The following COL6A5 variants were observed in gnomAD, a reference collection of about 807,000 sequenced individuals.
COL6A5 encodes collagen alpha-5(VI) chain.
In COL6A5, 48 loss-of-function variants were observed where a neutral mutation model predicts 65.6. The observed-to-expected ratio is 0.73, with a 90% CI of 0.58 to 0.93. The LOEUF (loss-of-function observed/expected upper bound fraction) is 0.93, where lower values mean the gene tolerates loss of function less well. Among genes scored for constraint, COL6A5 ranks in the 40% least tolerant of loss-of-function variants. The probability of loss-of-function intolerance (pLI) is 0.00; values close to 1 mark genes in which losing one functional copy is unlikely to be tolerated. For missense variants in COL6A5, 914 were observed against 928.3 expected, an observed-to-expected ratio of 0.98 and a Z score of 0.20; for synonymous variants, 291 against 322.8, an observed-to-expected ratio of 0.90 and a Z score of 1.05.
exon 4 of COL6A5, chr3:130,379,874 G>A: frequency 6.4e-7 from 1 of 1,551,222 alleles, no homozygotes; most frequent in Non-Finnish European, 8.7e-7. Flanking sequence ...AGCATCCAAG[G>A]GGCTAACAAT....
chr3:130,366,291 A>C (rs964995717), intron 1 of COL6A5, among the ~76,000 whole-genome samples: 1 of 152,208 alleles, frequency 6.6e-6, no homozygotes, highest in Non-Finnish European at 1.5e-5. Flanking sequence ...CTTGAAACAA[A>C]ATTCTGATGC....
intron 13 of COL6A5, 64 bp downstream of exon 13, chr3:130,403,726 C>A (rs1249217777): frequency 5.3e-6 from 6 of 1,134,112 alleles, no homozygotes; most frequent in African/African-American, 3.2e-5. Flanking sequence ...CACACACACA[C>A]ACAAACACAC....
intron 7 of COL6A5, among the ~76,000 whole-genome samples, chr3:130,476,677 C>G (rs1318621642): frequency 6.6e-6 from 1 of 151,956 alleles, no homozygotes; most frequent in Non-Finnish European, 1.5e-5. Context: ...TGAATCATTC[C>G]TGTTAGACAG....
Position 130,440,054 on chromosome 3 carries a change from T to C in COL6A5, c.582-112T>C, listed in dbSNP as rs549717873. 56 of 840,208 alleles carry C rather than the reference T, an allele frequency of 6.7e-5. No homozygotes were observed. In the South Asian group the frequency reaches 1.0e-3, roughly 15 times the overall value. The allele number at this position is 840,208 out of a possible 1,614,324, so 52.0% of individuals were successfully genotyped here. A position where few individuals can be genotyped will look rare whatever the true frequency, so the allele number is the denominator to read the frequency against. ...TAAATTATGTGAGATCAAAGAGATA[T>C]TGATCAAATTATAATTCTTGGTAAT... On this transcript the variant is annotated intron_variant, in intron 2 of 7. Transcript: ENST00000512836.
At chr3:130,365,033 G>A (rs542682138) in intron 1 of COL6A5, among the ~76,000 whole-genome samples, 2 of 152,276 alleles carry the variant, frequency 1.3e-5, no homozygotes, top group Admixed American at 1.3e-4. Flanking sequence ...TCTTCTTCAT[G>A]GTGGCAAAAC....
intron 5 of COL6A5, among the ~76,000 whole-genome samples, chr3:130,464,106 T>G (rs1228857571): frequency 1.3e-5 from 2 of 152,072 alleles, no homozygotes; most frequent in Non-Finnish European, 2.9e-5. Context: ...ATTTTGCTTC[T>G]ACTAGAACAT....
At chr3:130,457,830 A>G (rs1194196080) in intron 5 of COL6A5, among the ~76,000 whole-genome samples, 1 of 152,118 alleles carries the variant, frequency 6.6e-6, no homozygotes, top group Non-Finnish European at 1.5e-5. Flanking sequence ...GTTGTAGTTC[A>G]GATATTTTAT....
At chr3:130,386,569 G>A (rs751389853) in intron 5 of COL6A5, among the ~76,000 whole-genome samples, 3 of 152,088 alleles carry the variant, frequency 2.0e-5, no homozygotes, top group Non-Finnish European at 2.9e-5. Context: ...CAGTAACAGA[G>A]TTGGGTCTTT....
intron 27 of COL6A5, among the ~76,000 whole-genome samples, chr3:130,421,605 G>A (rs1017582807): frequency 2.0e-5 from 3 of 152,036 alleles, no homozygotes; most frequent in Non-Finnish European, 2.9e-5. Flanking sequence ...ATCCTCTCAA[G>A]TTCAGTCTTC....
At chr3:130,458,857 T>C (rs9289375) in intron 5 of COL6A5, among the ~76,000 whole-genome samples, 11,442 of 152,182 alleles carry the variant, frequency 0.075, 954 homozygotes, top group East Asian at 0.31. Context: ...CCTTGCAACA[T>C]GCAGTCCCTT....
intron 4 of COL6A5, among the ~76,000 whole-genome samples, chr3:130,455,025 A>C (rs1021104412): frequency 1.3e-5 from 2 of 152,088 alleles, no homozygotes; most frequent in African/African-American, 2.4e-5. Flanking sequence ...CTTTGGTCCC[A>C]GCTACTCAGG....
exon 4 of COL6A5, chr3:130,379,845 T>A (rs1438116750): frequency 6.4e-7 from 1 of 1,551,372 alleles, no homozygotes; most frequent in South Asian, 1.2e-5. Context: ...GACTGGAGGA[T>A]GTAAACGTGT....
chr3:130,471,687 T>G, intron 7 of COL6A5: 3 of 1,534,554 alleles, frequency 2.0e-6, no homozygotes, highest in Non-Finnish European at 1.7e-6. Flanking sequence ...CTCAGACTTC[T>G]TCCTGGGATA....
intron 25 of COL6A5, among the ~76,000 whole-genome samples, chr3:130,419,436 C>T (rs1384922242): frequency 2.0e-5 from 3 of 151,994 alleles, no homozygotes; most frequent in Admixed American, 6.6e-5. Context: ...TTATTACAAA[C>T]GTTATACATA....
At chr3:130,346,950 AT>A (rs1366800787) in intron 1 of COL6A5, among the ~76,000 whole-genome samples, 72 of 152,232 alleles carry the variant, frequency 4.7e-4, no homozygotes, top group African/African-American at 1.6e-3. Context: ...ATAAGTAGGA[AT>A]CCTGAGATTT....
At chr3:130,457,659 G>T (rs1173857183) in intron 5 of COL6A5, among the ~76,000 whole-genome samples, 1 of 152,018 alleles carries the variant, frequency 6.6e-6, no homozygotes, top group Non-Finnish European at 1.5e-5. Context: ...TCAGACAGAA[G>T]GATAATGTGT....
At chr3:130,450,049 G>A in intron 4 of COL6A5, among the ~76,000 whole-genome samples, 1 of 146,628 alleles carries the variant, frequency 6.8e-6, no homozygotes, top group Non-Finnish European at 1.5e-5. Context: ...CTGTGGAGGT[G>A]GACAAGCATT....
chr3:130,391,780 A>G (rs1329234954), intron 7 of COL6A5, 26 bp downstream of exon 7: 3 of 1,490,136 alleles, frequency 2.0e-6, no homozygotes, highest in Non-Finnish European at 1.8e-6. Context: ...TAAAGTTTCT[A>G]TGGGGGTAGC....
At chr3:130,441,022 T>C (rs1577513016) in intron 3 of COL6A5, among the ~76,000 whole-genome samples, 197 bp downstream of exon 35, 1 of 152,116 alleles carries the variant, frequency 6.6e-6, no homozygotes, top group African/African-American at 2.4e-5. Flanking sequence ...GCCTGAGGCC[T>C]TTTTTTATGA....
Sources: allele counts gnomAD v4.1 joint callset (sites outside exome capture counted in the v4.1 genomes callset), GRCh38; gene constraint gnomAD v4.1.1; transcripts MANE v1.5; gene names NCBI Gene and HGNC (gene_info 2026-07-23, HGNC 2026-07-21).